The following GLG1 variants were observed in gnomAD, a reference collection of about 807,000 sequenced individuals.
GLG1 encodes golgi glycoprotein 1.
In GLG1, 38 loss-of-function variants were observed where a neutral mutation model predicts 160.5. The ratio of observed to expected loss-of-function variants is 0.24; its 90% CI spans 0.18 to 0.31. The LOEUF (loss-of-function observed/expected upper bound fraction) is 0.31. GLG1 is among the 10% of genes least tolerant of loss of function. GLG1 has a pLI of 1.00. For synonymous variants in GLG1, 644 were observed against 543.4 expected (o/e 1.19, Z -2.57); for missense variants, 1,373 against 1,505.2 (o/e 0.91, Z 1.45).
At chr16:74,506,604 A>AAAAC (rs1555511216) in intron 3 of GLG1, among the ~76,000 whole-genome samples, 2 of 142,942 alleles carry the variant, frequency 1.4e-5, no homozygotes, top group Non-Finnish European at 3.1e-5. Flanking sequence ...AAAAAAAAAA[A>AAAAC]CTCAAGAGAA....
intron 13 of GLG1, chr16:74,472,737 G>C: frequency 2.3e-6 from 1 of 436,754 alleles, no homozygotes; most frequent in South Asian, 1.7e-5. Context: ...AAAATGCTAA[G>C]TAGTTCAAAA....
intron 1 of GLG1, among the ~76,000 whole-genome samples, chr16:74,555,237 A>G (rs1260826297): frequency 6.6e-6 from 1 of 152,144 alleles, no homozygotes; most frequent in Non-Finnish European, 1.5e-5. Context: ...CAACTCCCCA[A>G]ATTATAATCT....
chr16:74,463,236 G>T, intron 20 of GLG1, 120 bp downstream of exon 20: 1 of 943,526 alleles, frequency 1.1e-6, no homozygotes, highest in Non-Finnish European at 1.6e-6. Flanking sequence ...CTTACACTCA[G>T]ACTCCTCCCT....
chr16:74,481,541 T>C (rs2015598574), intron 10 of GLG1, among the ~76,000 whole-genome samples: 1 of 152,158 alleles, frequency 6.6e-6, no homozygotes, highest in Admixed American at 6.5e-5. Context: ...CTCAGTAGAC[T>C]ATTTAGGTTG....
intron 1 of GLG1, among the ~76,000 whole-genome samples, chr16:74,538,066 C>T (rs1217001216): frequency 1.3e-5 from 2 of 150,908 alleles, no homozygotes; most frequent in Admixed American, 1.3e-4. Context: ...GAACATTCTA[C>T]AGTTTCCACT....
At chr16:74,584,808 T>A (rs1162681300) in intron 1 of GLG1, among the ~76,000 whole-genome samples, 1 of 151,510 alleles carries the variant, frequency 6.6e-6, no homozygotes, top group African/African-American at 2.4e-5. Context: ...CCCAGCTACT[T>A]GGGAGGCTGA....
At chr16:74,454,755 C>T (rs1355820220) in intron 25 of GLG1, among the ~76,000 whole-genome samples, 1 of 143,064 alleles carries the variant, frequency 7.0e-6, no homozygotes, top group Non-Finnish European at 1.5e-5. Flanking sequence ...TGGTCTCGAA[C>T]TCCTGGGCTC....
chr16:74,590,635 A>G (rs1958155398), intron 1 of GLG1, among the ~76,000 whole-genome samples: 1 of 150,750 alleles, frequency 6.6e-6, no homozygotes, highest in Non-Finnish European at 1.5e-5. Context: ...AAAAAAAAAA[A>G]AAAAAGAAAT....
chr16:74,519,843 C>A (rs1325243536), intron 2 of GLG1, among the ~76,000 whole-genome samples: 1 of 152,112 alleles, frequency 6.6e-6, no homozygotes, highest in Non-Finnish European at 1.5e-5. Flanking sequence ...TAGTAACTTA[C>A]ACTATAAAAG....
At chr16:74,586,670 T>A (rs1363557794) in intron 1 of GLG1, among the ~76,000 whole-genome samples, 1 of 151,954 alleles carries the variant, frequency 6.6e-6, no homozygotes, top group Non-Finnish European at 1.5e-5. Context: ...GTCAGAACTT[T>A]GGATCAAAAT....
intron 1 of GLG1, among the ~76,000 whole-genome samples, chr16:74,542,752 A>AGGAAGGAAGGAAG (rs2017924672): frequency 1.6e-4 from 6 of 36,684 alleles, no homozygotes; most frequent in African/African-American, 7.3e-4. Context: ...GAAGGAAGGA[A>AGGAAGGAAGGAAG]GGAAGGAAGG....
rs564457995 is a variant in GLG1, at chr16:74,604,151, T to C, written c.438+2506A>G. On this transcript the variant is annotated intron_variant, in intron 1 of 25. Transcript: ENST00000422840. ...CTGCAGTGAGCTATGACTGCACCAC[T>C]GCACTCCAGCCTGGATGACAGAGCG... 1.4e-3 allele frequency among the ~76,000 whole-genome samples: 220 copies of C among 152,262 alleles called. 1 individual carries two copies. In the South Asian group the frequency reaches 0.016, roughly 11 times the overall value.
chr16:74,538,679 T>C (rs1272403002), intron 1 of GLG1, among the ~76,000 whole-genome samples: 2 of 151,690 alleles, frequency 1.3e-5, no homozygotes, highest in African/African-American at 4.8e-5. Context: ...AGCATTCAAC[T>C]ACCTTTTCAA....
chr16:74,458,302 G>A lies in GLG1; in HGVS notation c.3145-308C>T, dbSNP rs1054595140. ...TCGTATCATTTTAAAATACCTAAACGTTAATATTTTTATTGGTGTGATACA... is the reference window on the plus strand; with the variant it reads ...TCGTATCATTTTAAAATACCTAAACATTAATATTTTTATTGGTGTGATACA... On this transcript the variant is annotated intron_variant, in intron 23 of 25. Coordinates refer to ENST00000422840, the MANE Select transcript of GLG1 (RefSeq NM_001145667.2). 4 of 222,956 alleles carry A rather than the reference G, an allele frequency of 1.8e-5. 1 individual carries two copies. The highest frequency in any genetic ancestry group is 2.2e-5 in the African/African-American group (1 of 44,836). The allele number at this position is 222,956 out of a possible 1,614,324, so 13.8% of individuals were successfully genotyped here.
At chr16:74,536,796 G>C (rs1027330260) in intron 1 of GLG1, among the ~76,000 whole-genome samples, 7 of 152,262 alleles carry the variant, frequency 4.6e-5, no homozygotes, top group African/African-American at 1.7e-4. Flanking sequence ...CAAATGATAG[G>C]AAGAACATGA....
intron 4 of GLG1, among the ~76,000 whole-genome samples, chr16:74,497,933 C>G (rs1253574230): frequency 6.6e-6 from 1 of 152,192 alleles, no homozygotes; most frequent in Non-Finnish European, 1.5e-5. Context: ...ACACAAAACG[C>G]TTCTGAGAGT....
At chr16:74,598,268 TC>T (rs1329197243) in intron 1 of GLG1, among the ~76,000 whole-genome samples, 2 of 152,028 alleles carry the variant, frequency 1.3e-5, no homozygotes, top group Non-Finnish European at 2.9e-5. Context: ...ACGCCTGTAA[TC>T]CCAGCACTTT....
At chr16:74,546,858 G>C (rs1217297962) in intron 1 of GLG1, among the ~76,000 whole-genome samples, 31 of 43,166 alleles carry the variant, frequency 7.2e-4, no homozygotes, top group African/African-American at 2.8e-3. Flanking sequence ...AAAAAAAAAG[G>C]ATCCCTGACT....
chr16:74,523,026 C>T (rs1168393962), intron 2 of GLG1, among the ~76,000 whole-genome samples: 2 of 152,142 alleles, frequency 1.3e-5, no homozygotes, highest in African/African-American at 4.8e-5. Flanking sequence ...ACCAATTTAT[C>T]AGTCTTTTTG....
Sources: allele counts gnomAD v4.1 joint callset (sites outside exome capture counted in the v4.1 genomes callset), GRCh38; gene constraint gnomAD v4.1.1; transcripts MANE v1.5; gene names NCBI Gene and HGNC (gene_info 2026-07-23, HGNC 2026-07-21).